The following CEP128 variants were observed in gnomAD, a reference collection of about 807,000 sequenced individuals.
CEP128 encodes the protein centrosomal protein 128kDa.
Under a neutral mutation model 156.7 loss-of-function variants are expected in CEP128, and 132 were observed. The observed-to-expected ratio is 0.84, with a 90% confidence interval of 0.73 to 0.97. CEP128 has a LOEUF of 0.97. Ranked by LOEUF, CEP128 falls within the 50% of genes least tolerant of loss-of-function variation. CEP128 has a pLI of 0.00. For missense variants in CEP128, 1,252 were observed against 1,281.9 expected (o/e 0.98, Z 0.36); for synonymous variants, 469 against 448.9 (o/e 1.04, Z -0.57).
chr14:80,788,809 A>G (rs1448476988), intron 14 of CEP128, among the ~76,000 whole-genome samples: 1 of 152,176 alleles, frequency 6.6e-6, no homozygotes, highest in African/African-American at 2.4e-5. Context: ...AAGTTTCCAT[A>G]AACTTGAATT....
intron 20 of CEP128, among the ~76,000 whole-genome samples, chr14:80,577,224 T>C (rs1891396986): frequency 1.3e-5 from 2 of 152,176 alleles, no homozygotes; most frequent in African/African-American, 2.4e-5. Flanking sequence ...TTCTAAATAC[T>C]TCCCCTGGGA....
At chr14:80,851,232 G>A (rs927153789) in intron 9 of CEP128, among the ~76,000 whole-genome samples, 26 of 152,142 alleles carry the variant, frequency 1.7e-4, no homozygotes, top group Middle Eastern at 3.2e-3. Context: ...CTCCAATGGA[G>A]TCTACATTCT....
chr14:80,940,907 G>A (rs181317554), intron 1 of CEP128, among the ~76,000 whole-genome samples: 6 of 152,270 alleles, frequency 3.9e-5, no homozygotes, highest in African/African-American at 1.4e-4. Flanking sequence ...CACTTGCAGG[G>A]TGCCAGGCAC....
At chr14:80,708,296 C>G (rs923404910) in intron 19 of CEP128, among the ~76,000 whole-genome samples, 3 of 152,134 alleles carry the variant, frequency 2.0e-5, no homozygotes, top group South Asian at 2.1e-4. Context: ...GAGTCACTTT[C>G]AGAGGATTGT....
chr14:80,566,401 A>T (rs1268672246), intron 20 of CEP128, among the ~76,000 whole-genome samples: 1 of 152,220 alleles, frequency 6.6e-6, no homozygotes, highest in Non-Finnish European at 1.5e-5. Context: ...ATTTGAATAC[A>T]TTTAAAATAG....
intron 21 of CEP128, among the ~76,000 whole-genome samples, chr14:80,540,507 A>C (rs996965374): frequency 2.0e-5 from 3 of 152,230 alleles, no homozygotes; most frequent in Admixed American, 1.3e-4. Flanking sequence ...GCTTGCAGCC[A>C]GGTGAGGCCA....
intron 20 of CEP128, among the ~76,000 whole-genome samples, chr14:80,568,498 G>A (rs150244324): frequency 8.5e-4 from 130 of 152,162 alleles, no homozygotes; most frequent in African/African-American, 2.9e-3. Flanking sequence ...TTTCTTGCCC[G>A]TCACTCTCAT....
chr14:80,856,616 G>A (rs374801371), intron 9 of CEP128, among the ~76,000 whole-genome samples: 7 of 151,682 alleles, frequency 4.6e-5, no homozygotes, highest in African/African-American at 9.7e-5. Flanking sequence ...GCACTCCAGC[G>A]TGGGTGAGTG....
rs1884427964 is a variant in CEP128, at chr14:80,914,411, T to C, written c.148-3A>G. The C allele has an allele frequency of 6.2e-7, 1 of 1,610,398 alleles. No homozygotes were observed. The highest frequency in any genetic ancestry group is 1.1e-5 in the South Asian group (1 of 90,996). The stretch of plus-strand genomic sequence containing the variant: ...TGTCGCAGGTTCCGACTGGTATCCT[T>C]GAGAAAGAAAATGGACTGAATTAAT... On this transcript the variant is annotated splice_polypyrimidine_tract_variant and splice_region_variant and intron_variant, in intron 3 of 24. Transcript: ENST00000555265.
chr14:80,798,365 C>A (rs907787097), intron 13 of CEP128, among the ~76,000 whole-genome samples: 1 of 152,146 alleles, frequency 6.6e-6, no homozygotes, highest in African/African-American at 2.4e-5. Flanking sequence ...GAGAAAAAGG[C>A]ACACGAAGTG....
At chr14:80,742,964 G>C (rs1371351530) in intron 19 of CEP128, 111 bp downstream of exon 19, 3 of 866,194 alleles carry the variant, frequency 3.5e-6, no homozygotes, top group Non-Finnish European at 5.4e-6. Flanking sequence ...AAAGGAGATG[G>C]GCTTGGAAAT....
At chr14:80,641,540 A>G (rs1025811755) in intron 19 of CEP128, among the ~76,000 whole-genome samples, 1 of 152,206 alleles carries the variant, frequency 6.6e-6, no homozygotes, top group African/African-American at 2.4e-5. Context: ...CTAGAATCGG[A>G]TACAGTGCCT....
intron 13 of CEP128, among the ~76,000 whole-genome samples, chr14:80,804,130 A>G (rs943268457): frequency 3.3e-5 from 5 of 151,328 alleles, no homozygotes; most frequent in African/African-American, 1.2e-4. Context: ...AATTTTAATC[A>G]TTTTTAAATA....
At chr14:80,640,760 A>G (rs1375338660) in intron 19 of CEP128, among the ~76,000 whole-genome samples, 4 of 152,218 alleles carry the variant, frequency 2.6e-5, no homozygotes, top group African/African-American at 7.2e-5. Flanking sequence ...TGGCCCTCCC[A>G]AAAGAAACCA....
chr14:80,775,908 C>T (rs994446932), intron 16 of CEP128, among the ~76,000 whole-genome samples: 4 of 152,198 alleles, frequency 2.6e-5, no homozygotes, highest in Admixed American at 2.6e-4. Flanking sequence ...TCTCGGCTCG[C>T]TGCGACTTTC....
At chr14:80,512,920 C>T (rs902703491) in intron 23 of CEP128, among the ~76,000 whole-genome samples, 1 of 152,006 alleles carries the variant, frequency 6.6e-6, no homozygotes, top group Non-Finnish European at 1.5e-5. Context: ...TTATCTTACG[C>T]CATTTATGTC....
chr14:80,942,226 G>A (rs1886198257), upstream of CEP128: 1 of 152,134 alleles, frequency 6.6e-6, no homozygotes. Flanking sequence ...GAAGCGGACG[G>A]GAACAGAGAA....
intron 13 of CEP128, among the ~76,000 whole-genome samples, chr14:80,799,989 CTTA>C (rs952740873): frequency 1.3e-5 from 2 of 152,096 alleles, no homozygotes; most frequent in Non-Finnish European, 2.9e-5. Flanking sequence ...TTGTTAGACC[CTTA>C]TTAGTAGTTC....
At chr14:80,857,259 G>C (rs1887233422) in intron 9 of CEP128, among the ~76,000 whole-genome samples, 1 of 143,346 alleles carries the variant, frequency 7.0e-6, no homozygotes, top group South Asian at 2.2e-4. Flanking sequence ...TGTGTTTACA[G>C]TCTACATACC....
Sources: allele counts gnomAD v4.1 joint callset (sites outside exome capture counted in the v4.1 genomes callset), GRCh38; gene constraint gnomAD v4.1.1; transcripts MANE v1.5; gene names NCBI Gene and HGNC (gene_info 2026-07-23, HGNC 2026-07-21).